The following DLG2 variants were observed in gnomAD, a reference collection of about 807,000 sequenced individuals.
DLG2 encodes the protein disks large homolog 2.
A neutral mutation model predicts 132.5 loss-of-function variants in DLG2; 45 were observed. The observed-to-expected ratio is 0.34, with a 90% CI of 0.27 to 0.44. The LOEUF (loss-of-function observed/expected upper bound fraction) is 0.44, where lower values mean the gene tolerates loss of function less well. Among genes scored for constraint, DLG2 ranks in the 20% least tolerant of loss-of-function variants. DLG2 has a pLI of 1.00. For missense variants in DLG2, 1,045 were observed against 1,196.9 expected (o/e 0.87, Z 1.87); for synonymous variants, 424 against 419.6 (o/e 1.01, Z -0.13).
intron 16 of DLG2, among the ~76,000 whole-genome samples, chr11:83,851,518 T>C (rs1453704095): frequency 6.6e-6 from 1 of 151,576 alleles, no homozygotes; most frequent in African/African-American, 2.4e-5. Flanking sequence ...TCCCAGCTAC[T>C]CGGGAGGCTG....
chr11:84,937,476 G>A (rs2048886547), intron 6 of DLG2, among the ~76,000 whole-genome samples: 1 of 151,782 alleles, frequency 6.6e-6, no homozygotes. Flanking sequence ...AGATATATAA[G>A]TCAACTGGGA....
intron 7 of DLG2, among the ~76,000 whole-genome samples, chr11:84,328,644 G>A (rs1178109843): frequency 2.1e-5 from 3 of 145,486 alleles, no homozygotes; most frequent in Non-Finnish European, 4.5e-5. Context: ...TTATCAAACG[G>A]TTAAAAAAAA....
At chr11:84,074,589 C>T (rs534977532) in intron 10 of DLG2, among the ~76,000 whole-genome samples, 22 of 148,910 alleles carry the variant, frequency 1.5e-4, no homozygotes, top group Non-Finnish European at 2.2e-4. Context: ...AGTGCAGTGG[C>T]GTGATCTCGG....
At chr11:85,073,000 T>C (rs1039804970) in intron 6 of DLG2, among the ~76,000 whole-genome samples, 1 of 151,866 alleles carries the variant, frequency 6.6e-6, no homozygotes, top group African/African-American at 2.4e-5. Context: ...AGAGCTTTTA[T>C]GTGGAATGAC....
At chr11:84,748,406 G>C (rs547944501) in intron 6 of DLG2, among the ~76,000 whole-genome samples, 46 of 152,200 alleles carry the variant, frequency 3.0e-4, no homozygotes, top group African/African-American at 1.1e-3. Context: ...AGTTGAAAAT[G>C]GTAAGGTGAT....
chr11:85,050,013 T>C (rs1191359277), intron 6 of DLG2, among the ~76,000 whole-genome samples: 1 of 151,924 alleles, frequency 6.6e-6, no homozygotes. Flanking sequence ...GGAGACCCTC[T>C]TCACCTTGGC....
intron 9 of DLG2, among the ~76,000 whole-genome samples, chr11:84,114,518 T>C (rs1448811366): frequency 6.6e-6 from 1 of 152,158 alleles, no homozygotes; most frequent in Non-Finnish European, 1.5e-5. Flanking sequence ...GGATCTATCA[T>C]AGTTGAATGC....
chr11:84,749,660 T>C (rs988701492), intron 6 of DLG2, among the ~76,000 whole-genome samples: 1 of 152,126 alleles, frequency 6.6e-6, no homozygotes, highest in Non-Finnish European at 1.5e-5. Context: ...TGCCTAATGA[T>C]GCATTTCTCA....
intron 6 of DLG2, among the ~76,000 whole-genome samples, chr11:85,091,509 T>G (rs768260198): frequency 1.4e-4 from 22 of 152,216 alleles, no homozygotes; most frequent in Non-Finnish European, 3.1e-4. Flanking sequence ...AAAATTTCTT[T>G]GTAGCACATG....
intron 3 of DLG2, among the ~76,000 whole-genome samples, chr11:85,594,368 C>T (rs2079578201): frequency 6.6e-6 from 1 of 152,166 alleles, no homozygotes; most frequent in African/African-American, 2.4e-5. Flanking sequence ...TAACTGCCTC[C>T]ATTAAACAAG....
chr11:84,569,921 T>G (rs1439188692), intron 6 of DLG2, among the ~76,000 whole-genome samples: 1 of 152,188 alleles, frequency 6.6e-6, no homozygotes, highest in Non-Finnish European at 1.5e-5. Context: ...TACCTCTATT[T>G]TGATTTCCTG....
intron 9 of DLG2, among the ~76,000 whole-genome samples, chr11:84,130,245 T>G (rs1277001262): frequency 6.6e-6 from 1 of 151,942 alleles, no homozygotes; most frequent in Non-Finnish European, 1.5e-5. Flanking sequence ...TAAGTCAACC[T>G]ATGACGTTCT....
intron 6 of DLG2, among the ~76,000 whole-genome samples, chr11:84,827,921 A>G (rs1248265251): frequency 2.0e-5 from 3 of 151,784 alleles, no homozygotes; most frequent in Non-Finnish European, 4.4e-5. Flanking sequence ...ACTCATGGAC[A>G]TAGGGAGTAG....
chr11:85,098,879 C>T (rs1055735149), intron 6 of DLG2, among the ~76,000 whole-genome samples: 6 of 152,142 alleles, frequency 3.9e-5, no homozygotes, highest in Non-Finnish European at 5.9e-5. Context: ...AATGTTTGTA[C>T]ATATTTTCCC....
At chr11:84,930,575 T>C (rs1490658506) in intron 6 of DLG2, among the ~76,000 whole-genome samples, 1 of 152,094 alleles carries the variant, frequency 6.6e-6, no homozygotes, top group African/African-American at 2.4e-5. Context: ...ACTTAGTAGA[T>C]AGTTGCCTTC....
chr11:84,570,422 T>G (rs2099477372), intron 6 of DLG2, among the ~76,000 whole-genome samples: 1 of 152,208 alleles, frequency 6.6e-6, no homozygotes, highest in Non-Finnish European at 1.5e-5. Flanking sequence ...CACTTAATTA[T>G]AATTTTTTGT....
chr11:84,769,259 A>G (rs980886247), intron 6 of DLG2, among the ~76,000 whole-genome samples: 3 of 152,138 alleles, frequency 2.0e-5, no homozygotes, highest in African/African-American at 7.2e-5. Flanking sequence ...CAATCTGGAA[A>G]ATTAAAAAGA....
At chr11:84,000,071 T>C (rs1468437309) in intron 11 of DLG2, among the ~76,000 whole-genome samples, 1 of 152,130 alleles carries the variant, frequency 6.6e-6, no homozygotes, top group South Asian at 2.1e-4. Flanking sequence ...TTATCAATTC[T>C]AAAGAATCTC....
chr11:85,508,601 T>C (rs1359109034), intron 3 of DLG2, among the ~76,000 whole-genome samples: 3 of 152,094 alleles, frequency 2.0e-5, no homozygotes, highest in Non-Finnish European at 2.9e-5. Flanking sequence ...TTCATCTATT[T>C]TGTTAACTGA....
Sources: allele counts gnomAD v4.1 joint callset (sites outside exome capture counted in the v4.1 genomes callset), GRCh38; gene constraint gnomAD v4.1.1; transcripts MANE v1.5; gene names NCBI Gene and HGNC (gene_info 2026-07-23, HGNC 2026-07-21).